The following SIN3B variants were observed in gnomAD, a reference collection of about 807,000 sequenced individuals.
SIN3B encodes SIN3 transcription regulator family member B.
Under a neutral mutation model 120.2 loss-of-function variants are expected in SIN3B, and 19 were observed. That is an observed-to-expected ratio of 0.16 (90% CI 0.11 to 0.23). The LOEUF (loss-of-function observed/expected upper bound fraction) is 0.23, where lower values mean the gene tolerates loss of function less well. Among genes scored for constraint, SIN3B ranks in the 10% least tolerant of loss-of-function variants. The probability of loss-of-function intolerance (pLI) is 1.00; values close to 1 mark genes in which losing one functional copy is unlikely to be tolerated. For synonymous variants in SIN3B, 654 were observed against 653.2 expected, an observed-to-expected ratio of 1.00 and a Z score of -0.02; for missense variants, 1,073 against 1,573.0, an observed-to-expected ratio of 0.68 and a Z score of 5.38.
chr19:16,869,585 G>C lies in SIN3B; in HGVS notation c.1932G>C (p.Gln644His). The change falls in exon 13 of 19, where the codon CAG (glutamine) becomes CAC (histidine). Residue 644 changes from glutamine (Q) to histidine (H), a missense_variant. Physicochemically the swap from Gln to His is conservative, Grantham distance 24 (BLOSUM62 0). Transcript: ENST00000248054. ...AALISYYVKR[Q>H]PAIQKEDQGT... ...TCATCAGCTACTACGTGAAGCGGCAGCCGGCCATCCAGAAGGAGGACCAGG... is the reference window on the plus strand; with the variant it reads ...TCATCAGCTACTACGTGAAGCGGCACCCGGCCATCCAGAAGGAGGACCAGG... 1 of 1,613,576 alleles carries C rather than the reference G, an allele frequency of 6.2e-7. No homozygotes were observed.
rs531312114 is a variant in SIN3B, at chr19:16,879,257, G to A, written c.*530G>A. 1 of 156,054 alleles carries A rather than the reference G, an allele frequency of 6.4e-6. No individual in the cohort carries two copies. Among genetic ancestry groups the A allele is most frequent in the African/African-American group, 2.4e-5 (1 of 41,620 alleles). The allele number at this position is 156,054 out of a possible 1,614,324, so 9.7% of individuals were successfully genotyped here. A position where few individuals can be genotyped will look rare whatever the true frequency, so the allele number is the denominator to read the frequency against. The stretch of plus-strand genomic sequence containing the variant: ...GAGGGTTTGGGCATCAGCTCTGCCT[G>A]GCTGGTGTTCAGGCCCTCAGTCACT... On this transcript the variant is annotated 3_prime_UTR_variant, in exon 19 of 19. Transcript: ENST00000248054.
Position 16,878,656 on chromosome 19 carries a change from A to G in SIN3B, c.3322A>G (p.Thr1108Ala). Residue 1108 changes from threonine to alanine, a missense_variant, in exon 19 of 19, where the codon ACA becomes GCA. Around this residue, in one of 7 missense-constraint regions of SIN3B, gnomAD observed 311 missense variants for 400.3 expected, o/e 0.78. Transcript: ENST00000248054. ...GGTACCCTGCAAGACGCTGTGTGAGACAGTGCACGTGCACGGCCTGCCCGT... is the reference window on the plus strand; with the variant it reads ...GGTACCCTGCAAGACGCTGTGTGAGGCAGTGCACGTGCACGGCCTGCCCGT... ...DMVPCKTLCE[T>A]VHVHGLPVTR... 6.2e-7 allele frequency: 1 copy of G among 1,613,460 alleles called. No individual in the cohort carries two copies. The highest frequency in any genetic ancestry group is 8.5e-7 in the Non-Finnish European group (1 of 1,179,808).
At chr19:16,864,189 G>C (rs1253037416) in intron 10 of SIN3B, among the ~76,000 whole-genome samples, 1 of 152,060 alleles carries the variant, frequency 6.6e-6, no homozygotes, top group Non-Finnish European at 1.5e-5. Context: ...AGCTACTCGA[G>C]AGGCAGAAGC....
In SIN3B at chr19:16,854,193, C is replaced by T. The variant is rs1352412328; in HGVS notation, c.990C>T (p.Cys330=). The T allele has an allele frequency of 1.9e-6, 3 of 1,612,872 alleles. No homozygotes were observed. The Admixed American group carries it at 5.0e-5, about 27-fold the overall frequency. Residue 330 remains cysteine, a synonymous_variant, in exon 8 of 19, where the codon TGC becomes TGT. Coordinates refer to ENST00000248054, the MANE Select transcript of SIN3B (RefSeq NM_001297595.2). ...SQEVYENFLR[C]IALFNQELVS... ...AGGTGTATGAAAACTTCCTCCGCTGCATCGCACTCTTCAACCAGGAGCTGG... is the reference window on the plus strand; with the variant it reads ...AGGTGTATGAAAACTTCCTCCGCTGTATCGCACTCTTCAACCAGGAGCTGG...
chr19:16,845,337 A>G (rs1403134875), intron 4 of SIN3B, among the ~76,000 whole-genome samples: 2 of 152,272 alleles, frequency 1.3e-5, no homozygotes, highest in African/African-American at 4.8e-5. Flanking sequence ...CAGTGGCGCA[A>G]TCTCGTCTCA....
chr19:16,850,320 T>G (rs1282901370), intron 5 of SIN3B, among the ~76,000 whole-genome samples: 2 of 152,230 alleles, frequency 1.3e-5, no homozygotes, highest in Non-Finnish European at 2.9e-5. Flanking sequence ...TCTCAGAGGT[T>G]AGCACTTCTA....
chr19:16,842,116 C>A, intron 4 of SIN3B, 148 bp downstream of exon 4: 2 of 774,174 alleles, frequency 2.6e-6, no homozygotes, highest in Non-Finnish European at 4.1e-6. Context: ...TTCTTAGAGT[C>A]TGGCTCTGTT....
At position 16,862,887 on chromosome 19, in the gene SIN3B, G is replaced by A. The variant is rs1437573766; in HGVS notation, c.1266+328G>A. 2 of 1,613,522 alleles carry A rather than the reference G, an allele frequency of 1.2e-6. No individual in the cohort carries two copies. Among genetic ancestry groups the A allele is most frequent in the Non-Finnish European group, 1.7e-6 (2 of 1,179,560 alleles). ...ACCTCAGTGTGTTTCTGTTTAGCTT[G>A]ACCATTGGACACTTCTCCAGGGTTC... On this transcript the variant is annotated intron_variant, in intron 9 of 18. Transcript: ENST00000248054. The surrounding 1 kb of genome is among the most constrained non-coding windows in gnomAD (Gnocchi z 4.7).
intron 4 of SIN3B, among the ~76,000 whole-genome samples, chr19:16,845,200 T>C (rs963653072): frequency 2.0e-5 from 3 of 152,224 alleles, no homozygotes; most frequent in African/African-American, 7.2e-5. Flanking sequence ...GAGGGCGTAC[T>C]ATGCATTCAT....
At chr19:16,839,740 A>T (rs531005642) in intron 3 of SIN3B, among the ~76,000 whole-genome samples, 2 of 152,244 alleles carry the variant, frequency 1.3e-5, no homozygotes, top group East Asian at 1.9e-4. Flanking sequence ...CCCGCCACTG[A>T]CTGGGCGCAG....
At position 16,862,586 on chromosome 19, in the gene SIN3B, C is replaced by A. The variant is rs950741169; in HGVS notation, c.1266+27C>A. On this transcript the variant is annotated intron_variant, in intron 9 of 18. Transcript: ENST00000248054. The surrounding 1 kb of genome is among the most constrained non-coding windows in gnomAD (Gnocchi z 4.7). ...TAGCGCTCCCTGGGGCTCAAATGTT[C>A]GTTGACATGGTGCATCCCCCACCCC... is the stretch of plus-strand genomic sequence containing the variant. 1.3e-6 allele frequency: 2 copies of A among 1,590,332 alleles called. No individual in the cohort carries two copies. Among genetic ancestry groups the A allele is most frequent in the South Asian group, 2.2e-5 (2 of 90,162 alleles).
intron 5 of SIN3B, 28 bp downstream of exon 5, chr19:16,847,141 T>A: frequency 6.3e-7 from 1 of 1,595,550 alleles, no homozygotes; most frequent in Non-Finnish European, 8.6e-7. Context: ...CTGCCCAGCC[T>A]CGGGGGCCTC....
intron 13 of SIN3B, among the ~76,000 whole-genome samples, chr19:16,870,665 C>T (rs962228900): frequency 3.3e-5 from 5 of 152,180 alleles, no homozygotes; most frequent in African/African-American, 1.2e-4. Flanking sequence ...CAATTCTCTG[C>T]CTCAGCCTCT....
chr19:16,860,359 C>T (rs1448472611), intron 8 of SIN3B, among the ~76,000 whole-genome samples: 1 of 152,158 alleles, frequency 6.6e-6, no homozygotes, highest in African/African-American at 2.4e-5. Flanking sequence ...AGAGCAGTCA[C>T]GATTTGCGTT....
At chr19:16,875,504 T>C (rs2051584756) in intron 14 of SIN3B, among the ~76,000 whole-genome samples, 1 of 148,354 alleles carries the variant, frequency 6.7e-6, no homozygotes, top group Non-Finnish European at 1.5e-5. Flanking sequence ...TCTGGTTTGG[T>C]CTGGTCTGGT....
chr19:16,864,287 C>T (rs565198028), intron 10 of SIN3B, among the ~76,000 whole-genome samples: 20 of 152,254 alleles, frequency 1.3e-4, no homozygotes, highest in African/African-American at 4.8e-4. Context: ...GAATGAGACC[C>T]TGTCTCCTAA....
Position 16,862,221 on chromosome 19 carries a change from A to G in SIN3B, c.1059-131A>G, listed in dbSNP as rs976730160. On this transcript the variant is annotated intron_variant, in intron 8 of 18. Transcript: ENST00000248054. This position sits in a 1 kb window ranked among gnomAD's most constrained non-coding sequence, Gnocchi z 4.7. ...TGTGTATTGGATTCTTCCGCCTCTC[A>G]TTCGCATCCATGATGTTGAATTCTG... The G allele has an allele frequency of 8.4e-6, 6 of 717,532 alleles. No individual in the cohort carries two copies. The highest frequency in any genetic ancestry group is 2.7e-5 in the Admixed American group (1 of 37,020). The allele number at this position is 717,532 out of a possible 1,614,324, so 44.4% of individuals were successfully genotyped here. A position where few individuals can be genotyped will look rare whatever the true frequency, so the allele number is the denominator to read the frequency against.
chr19:16,847,413 G>T (rs1434398733), intron 5 of SIN3B, among the ~76,000 whole-genome samples: 1 of 152,260 alleles, frequency 6.6e-6, no homozygotes, highest in Non-Finnish European at 1.5e-5. Flanking sequence ...TCCACCTCCT[G>T]TGTCTGCCCT....
Position 16,863,816 on chromosome 19 carries a change from C to T in SIN3B, c.1383+20C>T, listed in dbSNP as rs754131940. 8.9e-6 allele frequency: 14 copies of T among 1,566,348 alleles called. No homozygotes were observed. Among genetic ancestry groups the T allele is most frequent in the South Asian group, 4.4e-5 (4 of 90,010 alleles). Reference sequence around the variant, plus strand: ...TTCGAGGTGTGTGTGCTGCTGTGGCCGGGTCCCCCGGCATGTGCCTGTTCC... The same window carrying T: ...TTCGAGGTGTGTGTGCTGCTGTGGCTGGGTCCCCCGGCATGTGCCTGTTCC... On this transcript the variant is annotated intron_variant, in intron 10 of 18. Coordinates refer to ENST00000248054, the MANE Select transcript of SIN3B (RefSeq NM_001297595.2).
Sources: gnomAD v4.1 joint callset for allele counts (sites outside exome capture counted in the v4.1 genomes callset) on GRCh38, gnomAD v4.1.1 for gene constraint, gnomAD v4.1.1 regional missense constraint, Gnocchi (gnomAD v3.1) non-coding constraint, MANE v1.5 for transcripts, NCBI Gene and HGNC (gene_info 2026-07-23, HGNC 2026-07-21) for gene names.